Variants in ARMH4 observed in about 807,000 individuals in gnomAD.
ARMH4 encodes armadillo-like helical domain-containing protein 4.
Under a neutral mutation model 61.9 loss-of-function variants are expected in ARMH4, and 49 were observed. The ratio of observed to expected loss-of-function variants is 0.79; its 90% CI spans 0.63 to 1.00. The LOEUF is 1.00. Among genes scored for constraint, ARMH4 ranks in the 50% least tolerant of loss-of-function variants. The pLI is 0.00. For missense variants in ARMH4, 934 were observed against 930.0 expected, an observed-to-expected ratio of 1.00 and a Z score of -0.06; for synonymous variants, 368 against 341.5, an observed-to-expected ratio of 1.08 and a Z score of -0.85.
At chr14:58,055,368 T>C (rs548481152) in intron 5 of ARMH4, among the ~76,000 whole-genome samples, 3 of 152,288 alleles carry the variant, frequency 2.0e-5, no homozygotes, top group African/African-American at 7.2e-5. Context: ...ATTTAACAAT[T>C]AGTTTCAAAG....
intron 2 of ARMH4, among the ~76,000 whole-genome samples, chr14:58,135,894 A>G (rs1887284231): frequency 6.6e-6 from 1 of 152,192 alleles, no homozygotes; most frequent in East Asian, 1.9e-4. Flanking sequence ...GCTATTGTAT[A>G]ACAACTGCTG....
At chr14:58,073,562 C>T (rs1250294112) in intron 5 of ARMH4, among the ~76,000 whole-genome samples, 2 of 152,110 alleles carry the variant, frequency 1.3e-5, no homozygotes, top group Non-Finnish European at 2.9e-5. Flanking sequence ...AAGCTCCTCA[C>T]TTAATCAGAA....
At chr14:58,110,278 T>C (rs1313633270) in intron 4 of ARMH4, among the ~76,000 whole-genome samples, 2 of 151,936 alleles carry the variant, frequency 1.3e-5, no homozygotes, top group African/African-American at 2.4e-5. Context: ...ATATGTATTG[T>C]GGAGTGACTA....
intron 1 of ARMH4, among the ~76,000 whole-genome samples, chr14:58,146,586 G>A (rs1305876170): frequency 1.3e-5 from 2 of 152,238 alleles, no homozygotes; most frequent in Non-Finnish European, 2.9e-5. Flanking sequence ...AGCAAGATAA[G>A]CTGTTCTGTC....
At chr14:58,123,310 G>A (rs1215566575) in intron 4 of ARMH4, among the ~76,000 whole-genome samples, 1 of 152,094 alleles carries the variant, frequency 6.6e-6, no homozygotes, top group African/African-American at 2.4e-5. Context: ...CAATATGGAT[G>A]AGCAAAGAAT....
intron 5 of ARMH4, among the ~76,000 whole-genome samples, chr14:58,077,334 T>C (rs996571455): frequency 6.6e-6 from 1 of 152,214 alleles, no homozygotes; most frequent in Non-Finnish European, 1.5e-5. Context: ...CTGTGCGTGG[T>C]GGTTCAGGCC....
chr14:58,058,162 T>C (rs1272402367), intron 5 of ARMH4, among the ~76,000 whole-genome samples: 2 of 152,234 alleles, frequency 1.3e-5, no homozygotes, highest in African/African-American at 2.4e-5. Context: ...AAGGTAATGA[T>C]ATAAAATGGT....
intron 6 of ARMH4, among the ~76,000 whole-genome samples, chr14:58,007,865 T>C (rs1357350735): frequency 1.3e-5 from 2 of 152,152 alleles, no homozygotes; most frequent in African/African-American, 4.8e-5. Context: ...TGAGAAAACA[T>C]CCAACAAACT....
chr14:58,097,859 T>C (rs1885811058), intron 4 of ARMH4, among the ~76,000 whole-genome samples: 1 of 152,064 alleles, frequency 6.6e-6, no homozygotes, highest in Non-Finnish European at 1.5e-5. Context: ...GCGTGAGCCA[T>C]GGCACTTCAC....
intron 5 of ARMH4, among the ~76,000 whole-genome samples, chr14:58,043,974 C>T (rs1429656052): frequency 6.6e-6 from 1 of 152,152 alleles, no homozygotes; most frequent in Non-Finnish European, 1.5e-5. Context: ...AGGATACAAA[C>T]AAATGGAAGA....
chr14:58,057,665 G>A (rs1884390452), intron 5 of ARMH4, among the ~76,000 whole-genome samples: 1 of 152,062 alleles, frequency 6.6e-6, no homozygotes, highest in African/African-American at 2.4e-5. Context: ...TGGACTGAGA[G>A]ACAAAAGACC....
intron 2 of ARMH4, 87 bp from the exon 3 acceptor site, chr14:58,133,428 G>C (rs1887195690): frequency 5.4e-6 from 7 of 1,284,716 alleles, no homozygotes; most frequent in Non-Finnish European, 6.4e-6. Flanking sequence ...AACTTGGGGG[G>C]AGGGGAGCAG....
chr14:58,085,015 A>G (rs992330249), intron 5 of ARMH4, among the ~76,000 whole-genome samples: 1 of 152,244 alleles, frequency 6.6e-6, no homozygotes, highest in African/African-American at 2.4e-5. Context: ...GGAGACAGGG[A>G]AAAATTACTT....
At position 58,121,542 on chromosome 14, in the gene ARMH4, TG is replaced by T. The variant is rs1327927388; in HGVS notation, c.1831+9969del. 6.6e-5 allele frequency among the ~76,000 whole-genome samples: 10 copies of T among 152,362 alleles called. No homozygotes were observed. The East Asian group carries it at 1.9e-3, about 29-fold the overall frequency. On this transcript the variant is annotated intron_variant, in intron 4 of 7. Transcript: ENST00000267485. ...GCTTTATGGCAATACCTCACAATATTGATTTTAAATATTTTTGAAATACCAC... is the reference window on the plus strand; with the variant it reads ...GCTTTATGGCAATACCTCACAATATTATTTTAAATATTTTTGAAATACCAC...
At chr14:58,076,409 AG>A (rs1397066760) in intron 5 of ARMH4, among the ~76,000 whole-genome samples, 13 of 152,324 alleles carry the variant, frequency 8.5e-5, no homozygotes, top group Admixed American at 2.6e-4. Flanking sequence ...TAAGTGGCTC[AG>A]TGACTGGAAA....
rs957938450 is a variant in ARMH4, at chr14:58,003,455, C to G, written c.*1281G>C. Reference sequence around the variant, plus strand: ...CATAGTAGACAACTTCTAATAAACACCAACAAGTACTCCACAGTGACAGCA... The same window carrying G: ...CATAGTAGACAACTTCTAATAAACAGCAACAAGTACTCCACAGTGACAGCA... On this transcript the variant is annotated 3_prime_UTR_variant, in exon 8 of 8. Coordinates refer to ENST00000267485, the MANE Select transcript of ARMH4 (RefSeq NM_001001872.4). 1 of 152,158 alleles carries G rather than the reference C, an allele frequency of 6.6e-6. No individual in the cohort carries two copies. The highest frequency in any genetic ancestry group is 6.5e-5 in the Admixed American group (1 of 15,274). The allele number at this position is 152,158 out of a possible 1,614,324, so 9.4% of individuals were successfully genotyped here. A position where few individuals can be genotyped will look rare whatever the true frequency, so the allele number is the denominator to read the frequency against.
chr14:58,123,521 G>A (rs549694323), intron 4 of ARMH4, among the ~76,000 whole-genome samples: 1 of 152,238 alleles, frequency 6.6e-6, no homozygotes, highest in East Asian at 1.9e-4. Context: ...GGAGGTTAGT[G>A]CAAGAACTCA....
intron 4 of ARMH4, among the ~76,000 whole-genome samples, chr14:58,100,494 A>G (rs1885930580): frequency 6.6e-6 from 1 of 152,206 alleles, no homozygotes; most frequent in Non-Finnish European, 1.5e-5. Flanking sequence ...TGAGGGATAG[A>G]GAGAGGGTAA....
chr14:58,090,879 CAAAAAAAAAA>C (rs561257563), intron 5 of ARMH4, among the ~76,000 whole-genome samples: 1 of 59,312 alleles, frequency 1.7e-5, no homozygotes, highest in South Asian at 5.4e-4. Flanking sequence ...GACCCTGTCT[CAAAAAAAAAA>C]AAAAAAGAAA....
Sources: gnomAD v4.1 joint callset for allele counts (sites outside exome capture counted in the v4.1 genomes callset) on GRCh38, gnomAD v4.1.1 for gene constraint, MANE v1.5 for transcripts, NCBI Gene and HGNC (gene_info 2026-07-23, HGNC 2026-07-21) for gene names.